Variants in SCP2 observed in about 807,000 individuals in gnomAD.
SCP2 encodes SCP-2/3-oxoacyl-CoA thiolase.
A neutral mutation model predicts 71.4 loss-of-function variants in SCP2; 48 were observed. The observed-to-expected ratio is 0.67, with a 90% CI of 0.53 to 0.86. The LOEUF is 0.86. SCP2 is among the 40% of genes least tolerant of loss of function. The pLI is 0.00. For synonymous variants in SCP2, 220 were observed against 218.1 expected, an observed-to-expected ratio of 1.01 and a Z score of -0.08; for missense variants, 560 against 655.6, an observed-to-expected ratio of 0.85 and a Z score of 1.59.
intron 3 of SCP2, among the ~76,000 whole-genome samples, chr1:52,949,581 C>T (rs1053025498): frequency 6.6e-6 from 1 of 152,074 alleles, no homozygotes; most frequent in African/African-American, 2.4e-5. Flanking sequence ...TGGAACGGGA[C>T]CTCACATTCT....
At chr1:52,954,706 T>C (rs761884743) in intron 4 of SCP2, 34 bp from the exon 5 acceptor site, 10 of 1,579,808 alleles carry the variant, frequency 6.3e-6, no homozygotes, top group South Asian at 4.4e-5. Context: ...GTTTGGAAAT[T>C]TGAATTTTCA....
chr1:52,997,402 C>T (rs1187135307), intron 11 of SCP2, among the ~76,000 whole-genome samples: 1 of 152,134 alleles, frequency 6.6e-6, no homozygotes, highest in Non-Finnish European at 1.5e-5. Context: ...CTCCTGACCT[C>T]AAATGATCCA....
chr1:52,952,320 A>G (rs950661198), intron 4 of SCP2, among the ~76,000 whole-genome samples: 4 of 152,174 alleles, frequency 2.6e-5, no homozygotes, highest in Non-Finnish European at 5.9e-5. Context: ...TTTCATGGCC[A>G]AATAATATTC....
chr1:53,019,098 T>C (rs1166027743), intron 12 of SCP2, among the ~76,000 whole-genome samples: 1 of 152,202 alleles, frequency 6.6e-6, no homozygotes, highest in African/African-American at 2.4e-5. Context: ...GTTGTGTCCT[T>C]CTAGGTGCAT....
chr1:52,984,112 T>C (rs79962250), intron 10 of SCP2, among the ~76,000 whole-genome samples: 2,879 of 152,298 alleles, frequency 0.019, 100 homozygotes, highest in African/African-American at 0.066. Context: ...CTCTCCACTA[T>C]AGACTTCTTC....
intron 10 of SCP2, among the ~76,000 whole-genome samples, chr1:52,981,562 G>A (rs1658501001): frequency 1.3e-5 from 2 of 150,908 alleles, no homozygotes; most frequent in Non-Finnish European, 1.5e-5. Context: ...TCAGCCTCCC[G>A]AGTATTACAG....
chr1:52,987,135 T>C (rs1334022215), intron 10 of SCP2, among the ~76,000 whole-genome samples: 12 of 151,720 alleles, frequency 7.9e-5, no homozygotes, highest in Admixed American at 7.2e-4. Flanking sequence ...GGTCTCGAAC[T>C]CCTGACCTCA....
At chr1:52,976,627 A>G in intron 7 of SCP2, 56 bp from the exon 8 acceptor site, 2 of 910,970 alleles carry the variant, frequency 2.2e-6, no homozygotes, top group Non-Finnish European at 1.9e-6. Flanking sequence ...TTACTCTGCA[A>G]CAAAAATTAC....
chr1:52,936,243 G>C (rs182419322), intron 1 of SCP2, among the ~76,000 whole-genome samples: 56 of 152,216 alleles, frequency 3.7e-4, no homozygotes, highest in Admixed American at 2.8e-3. Flanking sequence ...AATGTCTTTA[G>C]TTTTAAGTTC....
intron 5 of SCP2, among the ~76,000 whole-genome samples, 169 bp downstream of exon 5, chr1:52,954,973 T>A (rs966150641): frequency 6.6e-6 from 1 of 152,242 alleles, no homozygotes; most frequent in African/African-American, 2.4e-5. Flanking sequence ...TGTTCAAGGA[T>A]ATGAGATTAT....
At chr1:53,039,610 A>G (rs113621453) in intron 14 of SCP2, among the ~76,000 whole-genome samples, 3 of 152,284 alleles carry the variant, frequency 2.0e-5, no homozygotes, top group African/African-American at 7.2e-5. Context: ...TTCAGTGGTA[A>G]ATTCCCAGCC....
chr1:52,930,499 A>G (rs575944281), intron 1 of SCP2, among the ~76,000 whole-genome samples: 59 of 152,072 alleles, frequency 3.9e-4, no homozygotes, highest in Non-Finnish European at 6.8e-4. Flanking sequence ...AGTGGCGCAC[A>G]CCTATAGTCC....
intron 6 of SCP2, among the ~76,000 whole-genome samples, chr1:52,968,569 G>A (rs1022312292): frequency 7.9e-5 from 12 of 152,052 alleles, no homozygotes; most frequent in African/African-American, 2.4e-4. Flanking sequence ...TATATTCACA[G>A]AGTTGCATGA....
intron 11 of SCP2, among the ~76,000 whole-genome samples, chr1:52,996,862 A>C (rs2150202641): frequency 6.6e-6 from 1 of 152,228 alleles, no homozygotes; most frequent in African/African-American, 2.4e-5. Context: ...GGGAAGGGGA[A>C]CCCTCCTCCA....
At chr1:52,971,768 C>T (rs1310386200) in intron 6 of SCP2, among the ~76,000 whole-genome samples, 1 of 152,190 alleles carries the variant, frequency 6.6e-6, no homozygotes, top group East Asian at 1.9e-4. Flanking sequence ...GGGCGTGGGG[C>T]AGGTCCCTTT....
At chr1:52,944,125 C>A (rs1419264806) in intron 2 of SCP2, among the ~76,000 whole-genome samples, 1 of 152,158 alleles carries the variant, frequency 6.6e-6, no homozygotes. Context: ...CACCTGGAGA[C>A]CTTCTCTTTC....
At chr1:53,030,509 A>G (rs1432051927) in intron 13 of SCP2, among the ~76,000 whole-genome samples, 1 of 152,050 alleles carries the variant, frequency 6.6e-6, no homozygotes, top group Non-Finnish European at 1.5e-5. Context: ...ACATTTATTT[A>G]TTTTTATTTT....
intron 1 of SCP2, among the ~76,000 whole-genome samples, chr1:52,933,751 G>A (rs1274617128): frequency 6.6e-6 from 1 of 152,190 alleles, no homozygotes; most frequent in Non-Finnish European, 1.5e-5. Flanking sequence ...AATACGGTTT[G>A]TGGAGTCCTT....
intron 13 of SCP2, among the ~76,000 whole-genome samples, chr1:53,029,323 G>T (rs1411764981): frequency 2.0e-5 from 3 of 150,702 alleles, no homozygotes; most frequent in Admixed American, 6.6e-5. Flanking sequence ...GAGTGCAGTG[G>T]CATGATCACG....
Sources: allele counts gnomAD v4.1 joint callset (sites outside exome capture counted in the v4.1 genomes callset), GRCh38; gene constraint gnomAD v4.1.1; transcripts MANE v1.5; gene names NCBI Gene and HGNC (gene_info 2026-07-23, HGNC 2026-07-21).